SLC6A2: variants seen among roughly 807,000 people sequenced by gnomAD.
The protein encoded by SLC6A2 is sodium-dependent noradrenaline transporter.
Under a neutral mutation model 71.7 loss-of-function variants are expected in SLC6A2, and 26 were observed. The observed-to-expected ratio is 0.36, with a 90% confidence interval of 0.27 to 0.50. SLC6A2 has a LOEUF of 0.50. Ranked by LOEUF, SLC6A2 falls within the 20% of genes least tolerant of loss-of-function variation. The pLI is 0.96. For synonymous variants in SLC6A2, 363 were observed against 337.9 expected, an observed-to-expected ratio of 1.07 and a Z score of -0.82; for missense variants, 581 against 803.9, an observed-to-expected ratio of 0.72 and a Z score of 3.35.
chr16:55,694,415 T>C (rs1214419468), intron 7 of SLC6A2, among the ~76,000 whole-genome samples: 1 of 152,192 alleles, frequency 6.6e-6, no homozygotes, highest in African/African-American at 2.4e-5. Context: ...GTATGGACTC[T>C]GTCCATCAGA....
At chr16:55,671,102 C>A (rs1964896795) in intron 3 of SLC6A2, among the ~76,000 whole-genome samples, 1 of 152,162 alleles carries the variant, frequency 6.6e-6, no homozygotes, top group South Asian at 2.1e-4. Context: ...TTGGGTTTCC[C>A]CAGAAGCAGT....
Position 55,692,044 on chromosome 16 carries a change from G to A in SLC6A2, c.910G>A (p.Glu304Lys). 1.9e-6 allele frequency: 3 copies of A among 1,614,202 alleles called. No homozygotes were observed. The highest frequency in any genetic ancestry group is 2.5e-6 in the Non-Finnish European group (3 of 1,180,038). Reference protein sequence around the residue: ...YLHIDFYRLKEATVWIDAATQ... With the variant: ...YLHIDFYRLKKATVWIDAATQ... ...GCACATCGACTTCTACCGCTTGAAA[G>A]AGGCCACGGTCAGTGCTCAGTGACC... The change falls in exon 6 of 15, where the codon GAG (glutamate) becomes AAG (lysine). Residue 304 changes from glutamate to lysine, a missense_variant. Around this residue, in one of 5 missense-constraint regions of SLC6A2, gnomAD observed 334 missense variants for 449.0 expected, o/e 0.74. Transcript: ENST00000568943.
intron 7 of SLC6A2, among the ~76,000 whole-genome samples, chr16:55,694,638 G>C (rs1965738031): frequency 6.6e-6 from 1 of 152,160 alleles, no homozygotes; most frequent in Non-Finnish European, 1.5e-5. Context: ...AAGGCTTAAG[G>C]CAGAATCACA....
intron 2 of SLC6A2, among the ~76,000 whole-genome samples, chr16:55,668,010 T>C (rs1270353016): frequency 6.6e-6 from 1 of 152,198 alleles, no homozygotes; most frequent in Non-Finnish European, 1.5e-5. Flanking sequence ...CTGGGTAGTG[T>C]AAGTGGGATC....
intron 2 of SLC6A2, 92 bp downstream of exon 2, chr16:55,657,060 A>G: frequency 6.9e-7 from 1 of 1,443,168 alleles, no homozygotes; most frequent in Non-Finnish European, 9.5e-7. Flanking sequence ...CACGGAAGGG[A>G]GGCGAGGAGA....
At chr16:55,674,162 T>A (rs1283881838) in intron 4 of SLC6A2, among the ~76,000 whole-genome samples, 2 of 152,098 alleles carry the variant, frequency 1.3e-5, no homozygotes. Flanking sequence ...ATAGGTACTT[T>A]TTCGACTCTT....
chr16:55,658,677 T>C lies in SLC6A2; in HGVS notation c.274+1709T>C, dbSNP rs192583618. On this transcript the variant is annotated intron_variant, in intron 2 of 14. Coordinates refer to ENST00000568943, the MANE Select transcript of SLC6A2 (RefSeq NM_001172501.3). The stretch of plus-strand genomic sequence containing the variant: ...ATGGTCTCCCTGACACCTCCTGAGA[T>C]GGGTCTGTCATTGTCAGATACTCTG... Among the ~76,000 whole-genome samples, 10 of 152,236 alleles carry C rather than the reference T, an allele frequency of 6.6e-5. No individual in the cohort carries two copies. In the East Asian group the frequency reaches 1.9e-3, roughly 29 times the overall value.
chr16:55,691,232 A>G (rs1394155730), intron 5 of SLC6A2, among the ~76,000 whole-genome samples: 654 of 1,854 alleles, frequency 0.35, 8 homozygotes, highest in East Asian at 0.5. Context: ...GGAGAGGGGG[A>G]GAGAGAGAGA....
chr16:55,698,171 T>A, intron 10 of SLC6A2, 146 bp downstream of exon 10: 1 of 871,400 alleles, frequency 1.1e-6, no homozygotes, highest in Non-Finnish European at 1.9e-6. Context: ...CCTGACCCAC[T>A]AGGGTTAGGC....
chr16:55,704,281 A>G lies in SLC6A2; in HGVS notation c.*1935A>G, dbSNP rs573810930. 1 of 152,214 alleles carries G rather than the reference A, an allele frequency of 6.6e-6. No individual in the cohort carries two copies. Among genetic ancestry groups the G allele is most frequent in the African/African-American group, 2.4e-5 (1 of 41,442 alleles). 9.4% of individuals were successfully genotyped at this position (152,214 alleles called of 1,614,324 possible). ...CTTCTATCTCCCCATTTCCCAGGTG[A>G]GAGAACCAAGGCCCAGCATTTTAGT... On this transcript the variant is annotated 3_prime_UTR_variant, in exon 15 of 15. Transcript: ENST00000568943.
chr16:55,660,460 CCTCTGGGCTTTA>C (rs1401312544), intron 2 of SLC6A2, among the ~76,000 whole-genome samples: 4 of 152,190 alleles, frequency 2.6e-5, no homozygotes, highest in Admixed American at 2.0e-4. Flanking sequence ...CAGCTAGCTC[CCTCTGGGCTTTA>C]TCTCTGCGGA....
intron 6 of SLC6A2, 137 bp from the exon 7 acceptor site, chr16:55,693,873 G>T: frequency 1.3e-6 from 1 of 748,466 alleles, no homozygotes; most frequent in Non-Finnish European, 2.5e-6. Context: ...GGAGTTGCCA[G>T]GGCTGCCCAT....
rs1433103630 is a variant in SLC6A2 at position 55,702,660 on chromosome 16, CCCA to C, written c.*319_*321del. On this transcript the variant is annotated 3_prime_UTR_variant, in exon 15 of 15. Transcript: ENST00000568943. ...AGCTAGGTTCATGAGGTCGGAAATC[CCCA>C]CCACATTTGCCTAGACTTTGGGCAC... The C allele has an allele frequency of 9.2e-6, 12 of 1,311,010 alleles. No homozygotes were observed. The East Asian group carries it at 3.0e-4, about 33-fold the overall frequency. 81.2% of individuals were successfully genotyped at this position (1,311,010 alleles called of 1,614,324 possible).
At position 55,693,038 on chromosome 16, in the gene SLC6A2, T is replaced by A. The variant is rs908480327; in HGVS notation, c.919-972T>A. On this transcript the variant is annotated intron_variant, in intron 6 of 14. Transcript: ENST00000568943. ...CCTCAGTGCAGTCTCAAGGAGCAGA[T>A]CTGTCTTCCCCCATCAGATCATGCT... Among the ~76,000 whole-genome samples the A allele has an allele frequency of 6.1e-4, 93 of 152,218 alleles. 1 individual carries two copies. Among genetic ancestry groups the A allele is most frequent in the Non-Finnish European group, 1.5e-4 (10 of 68,046 alleles).
intron 6 of SLC6A2, 109 bp from the exon 7 acceptor site, chr16:55,693,901 T>A: frequency 1.2e-6 from 1 of 811,510 alleles, no homozygotes; most frequent in Non-Finnish European, 2.2e-6. Context: ...TCAGACCATG[T>A]TTCCTCTGGT....
chr16:55,662,528 T>C (rs1964637637), intron 2 of SLC6A2, among the ~76,000 whole-genome samples: 1 of 152,218 alleles, frequency 6.6e-6, no homozygotes, highest in Admixed American at 6.5e-5. Flanking sequence ...TGCTCTGTTA[T>C]TTGTGGGTCA....
chr16:55,672,315 G>A, intron 4 of SLC6A2, 140 bp downstream of exon 4: 1 of 1,464,436 alleles, frequency 6.8e-7, no homozygotes, highest in Non-Finnish European at 9.3e-7. Context: ...CTGGCCTGAT[G>A]CTGGGTGAGA....
chr16:55,685,603 A>G (rs2142561278), intron 5 of SLC6A2, among the ~76,000 whole-genome samples: 1 of 152,346 alleles, frequency 6.6e-6, no homozygotes, highest in East Asian at 1.9e-4. Context: ...CAAAGTCTAG[A>G]GATACTATCA....
chr16:55,695,444 G>A (rs1403897008), intron 8 of SLC6A2, 42 bp downstream of exon 8: 21 of 1,611,158 alleles, frequency 1.3e-5, no homozygotes, highest in African/African-American at 2.7e-5. Flanking sequence ...ACTGAGGCGG[G>A]AGCTGAGAAG....
Sources: allele counts gnomAD v4.1 joint callset (sites outside exome capture counted in the v4.1 genomes callset), GRCh38; gene constraint gnomAD v4.1.1; regional missense constraint gnomAD v4.1.1; transcripts MANE v1.5; gene names NCBI Gene and HGNC (gene_info 2026-07-23, HGNC 2026-07-21).